The following PRKG1 variants were observed in gnomAD, a reference collection of about 807,000 sequenced individuals.
PRKG1 encodes cGMP-dependent protein kinase 1.
A neutral mutation model predicts 88.1 loss-of-function variants in PRKG1; 35 were observed. That is an observed-to-expected ratio of 0.40 (90% CI 0.30 to 0.53). The LOEUF is 0.53. PRKG1 is among the 20% of genes least tolerant of loss of function. PRKG1 has a pLI of 0.59. For missense variants in PRKG1, 540 were observed against 839.8 expected (o/e 0.64, Z 4.41); for synonymous variants, 303 against 292.5 (o/e 1.04, Z -0.37).
chr10:52,233,236 A>G (rs1840572076), intron 9 of PRKG1, among the ~76,000 whole-genome samples: 1 of 152,090 alleles, frequency 6.6e-6, no homozygotes, highest in African/African-American at 2.4e-5. Flanking sequence ...ATGTGGCCAA[A>G]TATTCAACTC....
At position 51,379,641 on chromosome 10, in the gene PRKG1, C is replaced by T. The variant is rs149491909; in HGVS notation, c.479-88082C>T. Among the ~76,000 whole-genome samples the T allele has an allele frequency of 2.7e-3, 413 of 152,298 alleles. 3 individuals carry two copies. The highest frequency in any genetic ancestry group is 9.5e-3 in the African/African-American group (395 of 41,560). On this transcript the variant is annotated intron_variant, in intron 2 of 17. Coordinates refer to ENST00000373980, the MANE Select transcript of PRKG1 (RefSeq NM_006258.4). ...ACATGAAGAGCAAGTTTTGAAACTTCACATTTTACACAAGAAGTTGTCTGC... is the reference window on the plus strand; with the variant it reads ...ACATGAAGAGCAAGTTTTGAAACTTTACATTTTACACAAGAAGTTGTCTGC...
At chr10:51,182,427 A>T (rs965538147) in intron 2 of PRKG1, among the ~76,000 whole-genome samples, 3 of 152,168 alleles carry the variant, frequency 2.0e-5, no homozygotes, top group Non-Finnish European at 2.9e-5. Context: ...GGTGGTATCC[A>T]TTTTACTGTA....
chr10:51,934,424 T>C (rs1183974719), intron 5 of PRKG1, among the ~76,000 whole-genome samples: 1 of 152,200 alleles, frequency 6.6e-6, no homozygotes, highest in East Asian at 1.9e-4. Flanking sequence ...TTCACACTTT[T>C]GAAATCTATT....
intron 3 of PRKG1, among the ~76,000 whole-genome samples, chr10:51,678,253 G>A (rs1046654023): frequency 2.0e-4 from 30 of 152,148 alleles, no homozygotes; most frequent in African/African-American, 4.8e-4. Context: ...AGCAAGGGAA[G>A]CCATTGATTG....
chr10:52,049,301 G>A (rs1488791315), intron 5 of PRKG1, among the ~76,000 whole-genome samples: 1 of 152,090 alleles, frequency 6.6e-6, no homozygotes, highest in Non-Finnish European at 1.5e-5. Flanking sequence ...CTAGAGAAAG[G>A]ACCAGTTGAG....
At chr10:51,982,817 AGTG>A (rs1367487235) in intron 5 of PRKG1, among the ~76,000 whole-genome samples, 1 of 152,138 alleles carries the variant, frequency 6.6e-6, no homozygotes, top group Non-Finnish European at 1.5e-5. Flanking sequence ...CAGCAGCAGC[AGTG>A]TAGTGGGGTG....
Position 52,289,002 on chromosome 10 carries a change from T to C in PRKG1, c.1895+9T>C. ...GACATTCAAAAGCACAAGTAAGTGT[T>C]CTTTCTGCAGAGTTCTGAACACGTG... On this transcript the variant is annotated intron_variant, in intron 16 of 17. Coordinates refer to ENST00000373980, the MANE Select transcript of PRKG1 (RefSeq NM_006258.4). The C allele has an allele frequency of 6.2e-7, 1 of 1,604,896 alleles. No individual in the cohort carries two copies. The highest frequency in any genetic ancestry group is 8.5e-7 in the Non-Finnish European group (1 of 1,173,752).
At position 51,580,397 on chromosome 10, in the gene PRKG1, C is replaced by G. The variant is rs202205314; in HGVS notation, c.592+112561C>G. On this transcript the variant is annotated intron_variant, in intron 3 of 17. Coordinates refer to ENST00000373980, the MANE Select transcript of PRKG1 (RefSeq NM_006258.4). ...GAAATTCTGTTATCCTATATTCTTG[C>G]CAACACATGGTATTATTAGACTTTA... Among the ~76,000 whole-genome samples, 11 of 152,188 alleles carry G rather than the reference C, an allele frequency of 7.2e-5. No individual in the cohort carries two copies. The East Asian group carries it at 1.7e-3, about 24-fold the overall frequency.
intron 3 of PRKG1, among the ~76,000 whole-genome samples, chr10:51,723,403 A>G (rs1201953283): frequency 6.6e-6 from 1 of 152,314 alleles, no homozygotes. Flanking sequence ...GTTCTCACTC[A>G]TAAGTGGGAA....
At chr10:52,225,033 A>G (rs986482885) in intron 9 of PRKG1, among the ~76,000 whole-genome samples, 2 of 151,750 alleles carry the variant, frequency 1.3e-5, no homozygotes, top group African/African-American at 4.8e-5. Flanking sequence ...TTGTAGTTCT[A>G]CTTTTAGTTC....
upstream of PRKG1, among the ~76,000 whole-genome samples, chr10:51,070,879 T>C (rs2132796904): frequency 6.6e-6 from 1 of 152,272 alleles, no homozygotes; most frequent in East Asian, 1.9e-4. Context: ...AGGTTGTGAG[T>C]TGTTTCTGGA....
At chr10:51,297,176 T>G (rs1246750326) in intron 2 of PRKG1, among the ~76,000 whole-genome samples, 1 of 152,026 alleles carries the variant, frequency 6.6e-6, no homozygotes, top group Non-Finnish European at 1.5e-5. Context: ...TTGGTTGATT[T>G]GTAATAGGGG....
At chr10:51,865,889 T>C (rs907656298) in intron 4 of PRKG1, among the ~76,000 whole-genome samples, 1 of 152,052 alleles carries the variant, frequency 6.6e-6, no homozygotes, top group African/African-American at 2.4e-5. Flanking sequence ...AATAAAGGCA[T>C]TTTTATAAGA....
At chr10:51,406,122 T>C (rs1031122252) in intron 2 of PRKG1, among the ~76,000 whole-genome samples, 1 of 152,158 alleles carries the variant, frequency 6.6e-6, no homozygotes, top group African/African-American at 2.4e-5. Flanking sequence ...GTCTTAATGA[T>C]GTTAACTACC....
At chr10:50,992,968 TCCC>T (rs573575203) in intron 1 of PRKG1, among the ~76,000 whole-genome samples, 169 of 152,296 alleles carry the variant, frequency 1.1e-3, no homozygotes, top group African/African-American at 4.0e-3. Flanking sequence ...CCTAAACTAG[TCCC>T]CCTCTCTCCG....
At chr10:51,942,447 T>A (rs1842931175) in intron 5 of PRKG1, among the ~76,000 whole-genome samples, 1 of 151,226 alleles carries the variant, frequency 6.6e-6, no homozygotes, top group South Asian at 2.1e-4. Context: ...GCAGAAGCTC[T>A]TTAGTTTAAT....
intron 5 of PRKG1, among the ~76,000 whole-genome samples, chr10:52,051,135 A>G (rs1002242017): frequency 2.0e-5 from 3 of 152,184 alleles, no homozygotes; most frequent in Non-Finnish European, 2.9e-5. Flanking sequence ...TTAATATATT[A>G]CAAATAATTT....
chr10:51,933,998 G>A (rs1347170176), intron 5 of PRKG1, among the ~76,000 whole-genome samples: 2 of 152,056 alleles, frequency 1.3e-5, no homozygotes, highest in Admixed American at 6.6e-5. Context: ...TGTTTTGAGT[G>A]AGCAGATTAT....
chr10:51,915,708 T>C (rs1285444687), intron 5 of PRKG1, among the ~76,000 whole-genome samples: 3 of 152,126 alleles, frequency 2.0e-5, no homozygotes, highest in Admixed American at 1.3e-4. Context: ...TTATAGGTGT[T>C]ATAAGGGACT....
Sources: gnomAD v4.1 joint callset for allele counts (sites outside exome capture counted in the v4.1 genomes callset) on GRCh38, gnomAD v4.1.1 for gene constraint, MANE v1.5 for transcripts, NCBI Gene and HGNC (gene_info 2026-07-23, HGNC 2026-07-21) for gene names.